TNR: variants seen among roughly 807,000 people sequenced by gnomAD.
TNR encodes the protein tenascin R.
A neutral mutation model predicts 150.4 loss-of-function variants in TNR; 45 were observed. The observed-to-expected ratio is 0.30, with a 90% CI of 0.24 to 0.38. TNR has a LOEUF of 0.38. Among genes scored for constraint, TNR ranks in the 10% least tolerant of loss-of-function variants. The probability of loss-of-function intolerance (pLI) is 1.00; values close to 1 mark genes in which losing one functional copy is unlikely to be tolerated. For missense variants in TNR, 1,544 were observed against 1,759.1 expected (o/e 0.88, Z 2.19); for synonymous variants, 687 against 678.4 (o/e 1.01, Z -0.20).
At chr1:175,370,093 T>C (rs1022345833) in intron 9 of TNR, among the ~76,000 whole-genome samples, 2 of 152,152 alleles carry the variant, frequency 1.3e-5, no homozygotes, top group Non-Finnish European at 1.5e-5. Flanking sequence ...ACTTTGAAGT[T>C]TGACAGACTT....
intron 20 of TNR, among the ~76,000 whole-genome samples, chr1:175,334,616 A>C (rs576679844): frequency 6.6e-6 from 1 of 152,218 alleles, no homozygotes; most frequent in African/African-American, 2.4e-5. Context: ...ACATGACTCA[A>C]CTGGGCCTGC....
At chr1:175,653,308 C>T (rs926900248) in intron 1 of TNR, among the ~76,000 whole-genome samples, 4 of 152,186 alleles carry the variant, frequency 2.6e-5, no homozygotes, top group African/African-American at 9.7e-5. Flanking sequence ...CATGACACCG[C>T]ATGCACAGTG....
chr1:175,381,544 T>G (rs1652680864), intron 8 of TNR, among the ~76,000 whole-genome samples: 1 of 152,158 alleles, frequency 6.6e-6, no homozygotes, highest in Non-Finnish European at 1.5e-5. Flanking sequence ...TTGTTAGAGC[T>G]AGGACAAGGT....
chr1:175,491,870 C>T (rs768873989), intron 2 of TNR, among the ~76,000 whole-genome samples: 4 of 151,778 alleles, frequency 2.6e-5, no homozygotes, highest in Middle Eastern at 6.9e-3. Flanking sequence ...AGGATGGTCT[C>T]GATCTCCTGA....
At chr1:175,647,235 T>C (rs1664835101) in intron 1 of TNR, among the ~76,000 whole-genome samples, 1 of 152,220 alleles carries the variant, frequency 6.6e-6, no homozygotes, top group Non-Finnish European at 1.5e-5. Context: ...TCGTGTTTTC[T>C]TGAAAGCTCT....
chr1:175,406,698 T>C lies in TNR; in HGVS notation c.17A>G (p.Glu6Gly). The C allele has an allele frequency of 6.2e-7, 1 of 1,614,036 alleles. No homozygotes were observed. Among genetic ancestry groups the C allele is most frequent in the Admixed American group, 1.7e-5 (1 of 60,020 alleles). Residue 6 changes from glutamate (E) to glycine (G), a missense_variant, in exon 3 of 23, where the codon GAA (glutamate) becomes GGA (glycine). By Grantham distance (98) the Glu-to-Gly change is moderately conservative. Transcript: ENST00000367674. MGADG[E>G]TVVLKNMLIG... ...GAGCATGTTCTTCAGAACCACTGTT[T>C]CCCCATCTGCCCCCATCCTCTCAGC...
At chr1:175,357,711 C>A (rs1310484615) in intron 15 of TNR, among the ~76,000 whole-genome samples, 1 of 152,196 alleles carries the variant, frequency 6.6e-6, no homozygotes, top group Non-Finnish European at 1.5e-5. Context: ...TGACCCTATT[C>A]ATAGTAGCCC....
Position 175,346,563 on chromosome 1 carries a change from GA to G in TNR, c.3382+7827del, listed in dbSNP as rs974623343. 4.6e-5 allele frequency among the ~76,000 whole-genome samples: 7 copies of G among 151,044 alleles called. No homozygotes were observed. In the South Asian group the frequency reaches 6.3e-4, roughly 13 times the overall value. Reference sequence around the variant, plus strand: ...AGACTGAGAAGTAAAGACAGAATATGAAAAAAAATAAAATGAAAAAGGGAAA... The same window carrying G: ...AGACTGAGAAGTAAAGACAGAATATGAAAAAAATAAAATGAAAAAGGGAAA... On this transcript the variant is annotated intron_variant, in intron 18 of 22. Transcript: ENST00000367674.
chr1:175,716,838 C>A (rs1267179315), intron 1 of TNR, among the ~76,000 whole-genome samples: 1 of 152,192 alleles, frequency 6.6e-6, no homozygotes, highest in Non-Finnish European at 1.5e-5. Flanking sequence ...TACATGCAAC[C>A]AACTTCTGTC....
chr1:175,396,642 G>A lies in TNR; in HGVS notation c.1142C>T (p.Thr381Ile), dbSNP rs1170810916. The A allele has an allele frequency of 5.0e-6, 8 of 1,614,240 alleles. No individual in the cohort carries two copies. The highest frequency in any genetic ancestry group is 5.9e-6 in the Non-Finnish European group (7 of 1,180,048). The change falls in exon 5 of 23, where the codon ACC becomes ATC. Residue 381 changes from threonine to isoleucine, a missense_variant. Physicochemically the swap from Thr to Ile is moderately conservative, Grantham distance 89. Transcript: ENST00000367674. Reference sequence around the variant, plus strand: ...GAGACCTGGCTCCAGCTCCGTGATGGTGACACCACTCCAATCTCCAGGCAC... The same window carrying A: ...GAGACCTGGCTCCAGCTCCGTGATGATGACACCACTCCAATCTCCAGGCAC... The part of the protein sequence containing the change: ...QRVPGDWSGV[T>I]ITELEPGLTY...
At chr1:175,556,520 C>T (rs1661166059) in intron 1 of TNR, 1 of 152,052 alleles carries the variant, frequency 6.6e-6, no homozygotes, top group African/African-American at 2.4e-5. Context: ...TGTAGCCTGT[C>T]CTGTCTTCAA....
intron 1 of TNR, among the ~76,000 whole-genome samples, chr1:175,700,790 C>T (rs1332176533): frequency 1.3e-5 from 2 of 152,196 alleles, no homozygotes; most frequent in East Asian, 3.9e-4. Context: ...CACTGAAAGG[C>T]TATTTTCTTC....
At chr1:175,472,595 AT>A (rs1657352575) in intron 2 of TNR, among the ~76,000 whole-genome samples, 1 of 152,142 alleles carries the variant, frequency 6.6e-6, no homozygotes, top group African/African-American at 2.4e-5. Flanking sequence ...GAGGATAGGA[AT>A]TTTTCAGTTC....
intron 1 of TNR, among the ~76,000 whole-genome samples, chr1:175,569,503 A>G (rs1306287921): frequency 6.6e-6 from 1 of 152,244 alleles, no homozygotes; most frequent in Admixed American, 6.5e-5. Flanking sequence ...TTGTTGGGAC[A>G]AGACAGAGAC....
intron 1 of TNR, among the ~76,000 whole-genome samples, chr1:175,674,844 C>T (rs1665812753): frequency 6.6e-6 from 1 of 152,152 alleles, no homozygotes; most frequent in Non-Finnish European, 1.5e-5. Flanking sequence ...TTCAGAAAAC[C>T]TGTCCTGCTG....
chr1:175,394,232 T>C (rs2102037310), intron 5 of TNR, among the ~76,000 whole-genome samples: 2 of 152,210 alleles, frequency 1.3e-5, no homozygotes, highest in South Asian at 2.1e-4. Context: ...ATATCATATA[T>C]AGTACAGTGC....
At chr1:175,580,284 G>A (rs1453480052) in intron 1 of TNR, among the ~76,000 whole-genome samples, 1 of 152,106 alleles carries the variant, frequency 6.6e-6, no homozygotes, top group African/African-American at 2.4e-5. Flanking sequence ...TTTTTTGTAT[G>A]CCCCGTAGAA....
intron 1 of TNR, among the ~76,000 whole-genome samples, chr1:175,552,378 C>T (rs1053284294): frequency 6.6e-6 from 1 of 152,196 alleles, no homozygotes; most frequent in African/African-American, 2.4e-5. Flanking sequence ...GACCCAACTG[C>T]AGAGAGCTGA....
intron 2 of TNR, among the ~76,000 whole-genome samples, chr1:175,418,446 G>A (rs187952442): frequency 5.9e-5 from 9 of 152,282 alleles, no homozygotes; most frequent in East Asian, 3.9e-4. Flanking sequence ...AGTTGAGGCC[G>A]GGCGGAGTGG....
Sources: allele counts gnomAD v4.1 joint callset (sites outside exome capture counted in the v4.1 genomes callset), GRCh38; gene constraint gnomAD v4.1.1; transcripts MANE v1.5; gene names NCBI Gene and HGNC (gene_info 2026-07-23, HGNC 2026-07-21).